The following TNRC18 variants were observed in gnomAD, a reference collection of about 807,000 sequenced individuals.
TNRC18 encodes trinucleotide repeat containing 18.
TNRC18 carries 69 observed loss-of-function variants against 226.7 expected under a neutral mutation model. The ratio of observed to expected loss-of-function variants is 0.30; its 90% CI spans 0.25 to 0.37. TNRC18 has a LOEUF of 0.37. Ranked by LOEUF, TNRC18 falls within the 10% of genes least tolerant of loss-of-function variation. TNRC18 has a pLI of 1.00. For synonymous variants in TNRC18, 2,449 were observed against 1,927.6 expected, an observed-to-expected ratio of 1.27 and a Z score of -7.09; for missense variants, 4,754 against 4,256.6, an observed-to-expected ratio of 1.12 and a Z score of -3.25.
chr7:5,378,046 T>C, intron 5 of TNRC18, 22 bp from the exon 6 acceptor site: 1 of 1,595,994 alleles, frequency 6.3e-7, no homozygotes, highest in Non-Finnish European at 8.5e-7. Context: ...CAGGTGGAAG[T>C]GAGCCCCCAG....
At chr7:5,330,494 A>C (rs1789412368) in intron 19 of TNRC18, among the ~76,000 whole-genome samples, 1 of 149,306 alleles carries the variant, frequency 6.7e-6, no homozygotes. Flanking sequence ...GGATCCTCCC[A>C]CCTCAAAGTG....
intron 5 of TNRC18, among the ~76,000 whole-genome samples, chr7:5,378,781 G>A (rs1779186726): frequency 6.6e-6 from 1 of 152,060 alleles, no homozygotes; most frequent in African/African-American, 2.4e-5. Flanking sequence ...GGACAGGGCA[G>A]AGTCCAAATG....
intron 15 of TNRC18, among the ~76,000 whole-genome samples, chr7:5,358,923 G>T (rs1391281305): frequency 6.6e-6 from 1 of 152,236 alleles, no homozygotes; most frequent in Non-Finnish European, 1.5e-5. Flanking sequence ...TGATTTCAAT[G>T]TTCTGAAGAA....
Position 5,338,947 on chromosome 7 carries a change from A to AT in TNRC18, c.5720-5899_5720-5898insA, listed in dbSNP as rs1444555395. On this transcript the variant is annotated intron_variant, in intron 18 of 29. Coordinates refer to ENST00000430969, the MANE Select transcript of TNRC18 (RefSeq NM_001080495.3). ...AAAGGAAAAAAAAAAAAAAAAAAAA[A>AT]GGCATTCTGGCTCTCCACAACCTCA... Among the ~76,000 whole-genome samples, 19 of 149,768 alleles carry AT rather than the reference A, an allele frequency of 1.3e-4. No homozygotes were observed. The East Asian group carries it at 3.7e-3, about 29-fold the overall frequency.
At chr7:5,331,513 A>G (rs900469615) in intron 19 of TNRC18, among the ~76,000 whole-genome samples, 19 of 152,340 alleles carry the variant, frequency 1.2e-4, no homozygotes, top group Admixed American at 3.3e-4. Flanking sequence ...ACAAACCACA[A>G]AAGTACCAGC....
intron 26 of TNRC18, 89 bp from the exon 27 acceptor site, chr7:5,313,952 G>C: frequency 7.6e-7 from 1 of 1,315,734 alleles, no homozygotes; most frequent in Non-Finnish European, 9.8e-7. Flanking sequence ...GCTTCTGTGA[G>C]TTTTGTTTTT....
intron 24 of TNRC18, 49 bp from the exon 25 acceptor site, chr7:5,316,121 C>A: frequency 6.8e-7 from 1 of 1,461,910 alleles, no homozygotes. Context: ...CTCCAGCTCC[C>A]TAGTGACGCA....
At position 5,378,007 on chromosome 7, in the gene TNRC18, C is replaced by T. The variant is rs1287004484; in HGVS notation, c.2170G>A (p.Glu724Lys). 6.2e-7 allele frequency: 1 copy of T among 1,611,962 alleles called. No homozygotes were observed. Among genetic ancestry groups the T allele is most frequent in the Non-Finnish European group, 8.5e-7 (1 of 1,179,738 alleles). ...SNVKGHGRAD[E>K]DCVDDRARHR... Reference sequence around the variant, plus strand: ...CTGGCCCGGTCGTCCACACAGTCCTCATCTGCTCGGCCGTGCCCTGCAGGG... The same window carrying T: ...CTGGCCCGGTCGTCCACACAGTCCTTATCTGCTCGGCCGTGCCCTGCAGGG... The change falls in exon 6 of 30, where the codon GAG (glutamate) becomes AAG (lysine). Residue 724 changes from glutamate to lysine, a missense_variant. Transcript: ENST00000430969.
At position 5,417,920 on chromosome 7, in the gene TNRC18, A is replaced by G. The variant is rs183295061; in HGVS notation, c.187+3140T>C. 2.6e-5 allele frequency among the ~76,000 whole-genome samples: 4 copies of G among 152,330 alleles called. No homozygotes were observed. In the East Asian group the frequency reaches 7.7e-4, roughly 29 times the overall value. On this transcript the variant is annotated intron_variant, in intron 2 of 29. Coordinates refer to ENST00000430969, the MANE Select transcript of TNRC18 (RefSeq NM_001080495.3). Reference sequence around the variant, plus strand: ...AGAGATGGATCTGATCAGACCCTGGAGAAGGCCCGTGGCCCCCTGTTGCCA... The same window carrying G: ...AGAGATGGATCTGATCAGACCCTGGGGAAGGCCCGTGGCCCCCTGTTGCCA...
rs2128181930 is a variant in TNRC18, at chr7:5,377,813, TA to T, written c.2255+108del. ...AGAGTGACTCCCGCTCTCAGTACCA[TA>T]GCATCCATGGTCGAGGGGCCAAGCC... On this transcript the variant is annotated intron_variant, in intron 6 of 29. Transcript: ENST00000430969. This position sits in a 1 kb window ranked among gnomAD's most constrained non-coding sequence, Gnocchi z 5.8. 8.8e-7 allele frequency: 1 copy of T among 1,137,058 alleles called. No individual in the cohort carries two copies. Among genetic ancestry groups the T allele is most frequent in the South Asian group, 1.4e-5 (1 of 70,582 alleles). The allele number at this position is 1,137,058 out of a possible 1,614,324, so 70.4% of individuals were successfully genotyped here.
intron 5 of TNRC18, among the ~76,000 whole-genome samples, chr7:5,379,148 G>C (rs1465799726): frequency 2.6e-5 from 4 of 151,792 alleles, no homozygotes; most frequent in Non-Finnish European, 4.4e-5. Context: ...AGTGAGCCGA[G>C]ATTGCACCAC....
chr7:5,383,605 G>C (rs1388583707), intron 5 of TNRC18, among the ~76,000 whole-genome samples: 1 of 152,176 alleles, frequency 6.6e-6, no homozygotes, highest in African/African-American at 2.4e-5. Context: ...ACTGGGGCGA[G>C]AACCCAGGAG....
At position 5,394,499 on chromosome 7, in the gene TNRC18, C is replaced by A. The variant is rs758416362; in HGVS notation, c.284G>T (p.Arg95Leu). Residue 95 changes from arginine (R) to leucine (L), a missense_variant, in exon 3 of 30, where the codon CGC becomes CTC. Coordinates refer to ENST00000430969, the MANE Select transcript of TNRC18 (RefSeq NM_001080495.3). The surrounding 1 kb of genome is among the most constrained non-coding windows in gnomAD (Gnocchi z 4.5). ...PVPLPSDLSF[R>L]SPTPSNLPMV... ...GGGCAGGTTGCTAGGGGTTGGGGAG[C>A]GGAAAGACAGGTCAGAGGGCAGTGG... 1 of 1,561,028 alleles carries A rather than the reference C, an allele frequency of 6.4e-7. No homozygotes were observed.
intron 18 of TNRC18, among the ~76,000 whole-genome samples, chr7:5,342,480 T>C (rs1790785442): frequency 6.6e-6 from 1 of 150,400 alleles, no homozygotes; most frequent in South Asian, 2.1e-4. Flanking sequence ...CGCGGACAAC[T>C]ATGAAAGGCT....
At chr7:5,372,234 ATTTTTTT>A (rs754751204) in intron 10 of TNRC18, among the ~76,000 whole-genome samples, 3 of 141,630 alleles carry the variant, frequency 2.1e-5, no homozygotes, top group African/African-American at 7.7e-5. Flanking sequence ...TGCCTGGCTA[ATTTTTTT>A]TTTTTTTTTG....
chr7:5,405,866 C>G (rs1359361748), intron 2 of TNRC18, among the ~76,000 whole-genome samples: 1 of 152,172 alleles, frequency 6.6e-6, no homozygotes, highest in Non-Finnish European at 1.5e-5. Flanking sequence ...GAGTTTGAGA[C>G]CAGTCTCGGC....
rs560149204 is a variant in TNRC18 at position 5,350,957 on chromosome 7, C to T, written c.5470+862G>A. On this transcript the variant is annotated intron_variant, in intron 17 of 29. Transcript: ENST00000430969. ...ACGCACCCTTCAAAACAGAAATACA[C>T]GTGAGAAGACAAGTGTTTGTAAATA... Among the ~76,000 whole-genome samples the T allele has an allele frequency of 6.6e-5, 10 of 152,194 alleles. 3 individuals carry two copies. Among genetic ancestry groups the T allele is most frequent in the South Asian group, 2.1e-4 (1 of 4,820 alleles).
chr7:5,328,960 A>G (rs1282000675), intron 19 of TNRC18, among the ~76,000 whole-genome samples: 2 of 152,140 alleles, frequency 1.3e-5, no homozygotes, highest in Non-Finnish European at 2.9e-5. Context: ...TGCACTCCAG[A>G]CTGGGAAACA....
At chr7:5,344,038 T>C (rs146644323) in intron 18 of TNRC18, among the ~76,000 whole-genome samples, 3 of 152,152 alleles carry the variant, frequency 2.0e-5, no homozygotes, top group African/African-American at 7.2e-5. Context: ...GTATCAGCAA[T>C]GAAAAAGGAG....
Sources: allele counts gnomAD v4.1 joint callset (sites outside exome capture counted in the v4.1 genomes callset), GRCh38; gene constraint gnomAD v4.1.1; non-coding constraint Gnocchi (gnomAD v3.1); transcripts MANE v1.5; gene names NCBI Gene and HGNC (gene_info 2026-07-23, HGNC 2026-07-21).